HTR2C: variants seen among roughly 807,000 people sequenced by gnomAD.
The protein encoded by HTR2C is 5-hydroxytryptamine (serotonin) receptor 2C, G protein-coupled.
HTR2C carries 5 observed loss-of-function variants against 21.0 expected under a neutral mutation model. The observed-to-expected ratio is 0.24, with a 90% CI of 0.12 to 0.50. The LOEUF (loss-of-function observed/expected upper bound fraction) is 0.50. Among genes scored for constraint, HTR2C ranks in the 20% least tolerant of loss-of-function variants. The pLI is 0.98. For synonymous variants in HTR2C, 150 were observed against 145.3 expected (o/e 1.03, Z -0.23); for missense variants, 271 against 371.2 (o/e 0.73, Z 2.22).
At chrX:114,700,774 G>A (rs1368070499) in intron 2 of HTR2C, among the ~76,000 whole-genome samples, 1 of 112,818 alleles carries the variant, frequency 8.9e-6, no homozygotes, top group African/African-American at 3.2e-5. Flanking sequence ...CACTCGGGAA[G>A]CCCAAGGGGT....
intron 4 of HTR2C, among the ~76,000 whole-genome samples, chrX:114,796,450 G>A (rs2070294256): frequency 9.0e-6 from 1 of 111,430 alleles, no homozygotes; most frequent in African/African-American, 3.3e-5. Context: ...GAAAGGATCT[G>A]CATTTGACAC....
intron 4 of HTR2C, among the ~76,000 whole-genome samples, chrX:114,829,197 A>T (rs185147808): frequency 9.0e-6 from 1 of 111,225 alleles, no homozygotes; most frequent in East Asian, 2.8e-4. Flanking sequence ...TTTTCTCCAC[A>T]TCCTCACCAA....
intron 4 of HTR2C, among the ~76,000 whole-genome samples, chrX:114,734,333 CAG>C (rs1556423978): frequency 2.7e-5 from 3 of 109,808 alleles, no homozygotes; most frequent in African/African-American, 6.6e-5. Flanking sequence ...AATAGGAAAA[CAG>C]AATTAATATT....
intron 4 of HTR2C, among the ~76,000 whole-genome samples, chrX:114,733,564 G>GGAAAAAGGT (rs1193935811): frequency 5.6e-5 from 6 of 107,220 alleles, no homozygotes; most frequent in Non-Finnish European, 1.1e-4. Flanking sequence ...CTTTGGAGGT[G>GGAAAAAGGT]GAAAAAGGTA....
intron 4 of HTR2C, among the ~76,000 whole-genome samples, chrX:114,807,732 G>A (rs1262368688): frequency 1.9e-5 from 2 of 107,376 alleles, no homozygotes; most frequent in Non-Finnish European, 3.8e-5. Context: ...GAGTGCAGTA[G>A]TGCGATCTTG....
intron 1 of HTR2C, among the ~76,000 whole-genome samples, chrX:114,613,148 A>G (rs2147805147): frequency 9.1e-6 from 1 of 110,161 alleles, no homozygotes; most frequent in Admixed American, 9.7e-5. Flanking sequence ...CATGTTGGCC[A>G]GGCTCGTCTT....
intron 4 of HTR2C, among the ~76,000 whole-genome samples, chrX:114,777,825 T>G (rs2070074600): frequency 1.8e-5 from 2 of 111,898 alleles, no homozygotes. Context: ...CCCAAAGTGC[T>G]GGGATTACAG....
chrX:114,742,525 A>G (rs1472734443), intron 4 of HTR2C, among the ~76,000 whole-genome samples: 2 of 110,775 alleles, frequency 1.8e-5, no homozygotes, highest in African/African-American at 3.3e-5. Context: ...AAACAAGTAA[A>G]CAAAATCAGC....
intron 1 of HTR2C, among the ~76,000 whole-genome samples, chrX:114,593,587 C>A (rs1334577404): frequency 9.0e-6 from 1 of 111,504 alleles, no homozygotes; most frequent in African/African-American, 3.3e-5. Context: ...TTGCATATAT[C>A]ATTACATATT....
At chrX:114,633,675 TATC>T (rs1317342332) in intron 2 of HTR2C, among the ~76,000 whole-genome samples, 2 of 111,284 alleles carry the variant, frequency 1.8e-5, no homozygotes, top group African/African-American at 3.3e-5. Context: ...ATTCTTTTGA[TATC>T]ATGAAAATTG....
chrX:114,640,902 GTCCT>G (rs1475940421), intron 2 of HTR2C, among the ~76,000 whole-genome samples: 3 of 97,341 alleles, frequency 3.1e-5, no homozygotes, highest in African/African-American at 7.6e-5. Context: ...CTTCCTTCCT[GTCCT>G]TCCTTCCTTC....
chrX:114,792,614 A>G (rs1437653425), intron 4 of HTR2C, among the ~76,000 whole-genome samples: 1 of 111,953 alleles, frequency 8.9e-6, no homozygotes, highest in South Asian at 3.7e-4. Context: ...AGAATGATTT[A>G]TATTCCCTTG....
chrX:114,789,788 T>A (rs1265475027), intron 4 of HTR2C, among the ~76,000 whole-genome samples: 9 of 111,298 alleles, frequency 8.1e-5, no homozygotes, highest in African/African-American at 1.6e-4. Context: ...TCATAGTATG[T>A]GCCTCACTTG....
At chrX:114,905,053 C>T (rs367819655) in intron 5 of HTR2C, among the ~76,000 whole-genome samples, 4 of 111,084 alleles carry the variant, frequency 3.6e-5, no homozygotes, top group African/African-American at 1.3e-4. Flanking sequence ...CATCTAGGTG[C>T]AAAGGTCTCT....
intron 2 of HTR2C, among the ~76,000 whole-genome samples, chrX:114,628,405 A>ATTTTTTTTTTTTT (rs35975864): frequency 4.8e-4 from 21 of 43,887 alleles, no homozygotes; most frequent in East Asian, 9.9e-4. Flanking sequence ...TGCCAGGCTA[A>ATTTTTTTTTTTTT]TTTTTTTTTT....
At chrX:114,793,707 G>A (rs2070258403) in intron 4 of HTR2C, among the ~76,000 whole-genome samples, 1 of 109,497 alleles carries the variant, frequency 9.1e-6, no homozygotes, top group South Asian at 3.8e-4. Flanking sequence ...AGAAAAATCA[G>A]TAAACAACAC....
chrX:114,835,852 C>T (rs2070776834), intron 4 of HTR2C, among the ~76,000 whole-genome samples: 1 of 109,788 alleles, frequency 9.1e-6, no homozygotes, highest in South Asian at 4.0e-4. Flanking sequence ...TACTTTTGGT[C>T]TTTGATGATG....
At chrX:114,780,341 G>A (rs2147400006) in intron 4 of HTR2C, among the ~76,000 whole-genome samples, 1 of 111,557 alleles carries the variant, frequency 9.0e-6, no homozygotes, top group South Asian at 3.8e-4. Flanking sequence ...GAATTAGAGA[G>A]TAAAATCTAT....
In HTR2C at chrX:114,692,490, C is replaced by A. The variant is rs186430492; in HGVS notation, c.-79-34368C>A. On this transcript the variant is annotated intron_variant, in intron 2 of 5. Transcript: ENST00000276198. Reference sequence around the variant, plus strand: ...AAGATTTAAGTATTCATTGTAAGATCTTTTTTATGTATACATTTATTAACT... The same window carrying A: ...AAGATTTAAGTATTCATTGTAAGATATTTTTTATGTATACATTTATTAACT... Among the ~76,000 whole-genome samples the A allele has an allele frequency of 2.7e-5, 3 of 111,096 alleles. No individual in the cohort carries two copies. In the East Asian group the frequency reaches 8.5e-4, roughly 31 times the overall value.
Sources: gnomAD v4.1 joint callset for allele counts (sites outside exome capture counted in the v4.1 genomes callset) on GRCh38, gnomAD v4.1.1 for gene constraint, MANE v1.5 for transcripts, NCBI Gene and HGNC (gene_info 2026-07-23, HGNC 2026-07-21) for gene names.